Variants in CUL3 observed in about 807,000 individuals in gnomAD.
The protein encoded by CUL3 is cullin 3, also known as cullin-3.
In CUL3, 19 loss-of-function variants were observed where a neutral mutation model predicts 89.1. The observed-to-expected ratio is 0.21, with a 90% CI of 0.15 to 0.31. The LOEUF (loss-of-function observed/expected upper bound fraction) is 0.31, where lower values mean the gene tolerates loss of function less well. Ranked by LOEUF, CUL3 falls within the 10% of genes least tolerant of loss-of-function variation. CUL3 has a pLI of 1.00. For missense variants in CUL3, 469 were observed against 942.3 expected (o/e 0.50, Z 6.58); for synonymous variants, 351 against 308.4 (o/e 1.14, Z -1.45).
chr2:224,572,115 T>C (rs1273977685), intron 1 of CUL3, among the ~76,000 whole-genome samples: 1 of 152,166 alleles, frequency 6.6e-6, no homozygotes, highest in Non-Finnish European at 1.5e-5. Context: ...CGGCTACATG[T>C]TTGTTTCAGT....
Position 224,471,228 on chromosome 2 carries a change from C to T in CUL3, c.*3017G>A, listed in dbSNP as rs974566823. The T allele has an allele frequency of 1.9e-5, 4 of 210,060 alleles. No individual in the cohort carries two copies. Among genetic ancestry groups the T allele is most frequent in the Non-Finnish European group, 3.9e-5 (4 of 103,590 alleles). The allele number at this position is 210,060 out of a possible 1,614,324, so 13.0% of individuals were successfully genotyped here. The stretch of plus-strand genomic sequence containing the variant: ...AATTGATATGCAACAGCTTTCCTTC[C>T]AAGATTGACACAATATACCATATAC... On this transcript the variant is annotated 3_prime_UTR_variant, in exon 16 of 16. Transcript: ENST00000264414.
intron 2 of CUL3, among the ~76,000 whole-genome samples, chr2:224,544,705 A>G (rs532555034): frequency 6.6e-6 from 1 of 150,636 alleles, no homozygotes; most frequent in South Asian, 2.1e-4. Context: ...TTTCCACCTT[A>G]TCATACCACA....
intron 2 of CUL3, among the ~76,000 whole-genome samples, chr2:224,549,498 T>C (rs1045186486): frequency 2.0e-5 from 3 of 152,214 alleles, no homozygotes; most frequent in African/African-American, 7.2e-5. Context: ...ACTCATTTTA[T>C]AGATTAATAC....
chr2:224,523,988 G>A (rs948068281), intron 3 of CUL3, among the ~76,000 whole-genome samples: 1 of 152,064 alleles, frequency 6.6e-6, no homozygotes, highest in Non-Finnish European at 1.5e-5. Flanking sequence ...AGAGGATGGT[G>A]GTGACAGCTC....
chr2:224,489,796 C>T lies in CUL3; in HGVS notation c.1842+6036G>A, dbSNP rs531634677. ...ATACCATTCAGGACATAGGCATGGG[C>T]AAAGACTTCATGACTAAAACACCAA... On this transcript the variant is annotated intron_variant, in intron 13 of 15. Coordinates refer to ENST00000264414, the MANE Select transcript of CUL3 (RefSeq NM_003590.5). Among the ~76,000 whole-genome samples, 79 of 152,224 alleles carry T rather than the reference C, an allele frequency of 5.2e-4. 1 individual carries two copies. In the South Asian group the frequency reaches 0.016, roughly 30 times the overall value.
intron 2 of CUL3, among the ~76,000 whole-genome samples, chr2:224,557,052 G>C (rs560830354): frequency 6.6e-6 from 1 of 151,558 alleles, no homozygotes; most frequent in Non-Finnish European, 1.5e-5. Flanking sequence ...CTTAAAGCAA[G>C]GCATTGTAAT....
chr2:224,538,914 C>T (rs1255773480), intron 2 of CUL3, among the ~76,000 whole-genome samples: 1 of 152,124 alleles, frequency 6.6e-6, no homozygotes, highest in Non-Finnish European at 1.5e-5. Context: ...TGTCCGTGGT[C>T]TCAGCTACTC....
intron 11 of CUL3, 100 bp downstream of exon 11, chr2:224,500,263 G>A: frequency 7.4e-7 from 1 of 1,356,710 alleles, no homozygotes; most frequent in African/African-American, 1.4e-5. Context: ...GTAATAAATG[G>A]AATACATTCA....
chr2:224,581,763 C>T (rs774901063), intron 1 of CUL3, among the ~76,000 whole-genome samples: 2 of 151,730 alleles, frequency 1.3e-5, no homozygotes, highest in African/African-American at 2.4e-5. Flanking sequence ...GCCTGCCTTG[C>T]CTCTCCCGAA....
At chr2:224,513,455 A>G in intron 5 of CUL3, 69 bp downstream of exon 5, 1 of 1,091,352 alleles carries the variant, frequency 9.2e-7, no homozygotes, top group Non-Finnish European at 1.3e-6. Context: ...AAATAGTTAA[A>G]TTAGTAACTA....
At chr2:224,492,351 C>T (rs1692015741) in intron 13 of CUL3, among the ~76,000 whole-genome samples, 1 of 151,990 alleles carries the variant, frequency 6.6e-6, no homozygotes, top group Non-Finnish European at 1.5e-5. Flanking sequence ...AAGTTATGTC[C>T]CTAATGATTG....
At chr2:224,572,700 G>A (rs1171142618) in intron 1 of CUL3, among the ~76,000 whole-genome samples, 2 of 151,010 alleles carry the variant, frequency 1.3e-5, no homozygotes, top group African/African-American at 4.9e-5. Flanking sequence ...GAACCCTTGT[G>A]AATGGGATTA....
intron 1 of CUL3, among the ~76,000 whole-genome samples, chr2:224,572,867 G>C (rs12467925): frequency 1.3e-5 from 2 of 152,272 alleles, no homozygotes; most frequent in South Asian, 4.1e-4. Flanking sequence ...CCAGACAGCA[G>C]AACCTGCAGC....
chr2:224,565,375 C>CT (rs759818374), intron 1 of CUL3, among the ~76,000 whole-genome samples: 1 of 152,070 alleles, frequency 6.6e-6, no homozygotes, highest in Non-Finnish European at 1.5e-5. Flanking sequence ...TAGTTGGTGT[C>CT]TTAGGGGTGG....
At chr2:224,568,636 C>A (rs1406570800) in intron 1 of CUL3, among the ~76,000 whole-genome samples, 1 of 152,106 alleles carries the variant, frequency 6.6e-6, no homozygotes, top group Admixed American at 6.5e-5. Context: ...TTACATCAAG[C>A]AATATTTTCA....
intron 11 of CUL3, among the ~76,000 whole-genome samples, chr2:224,498,566 A>G (rs1692258524): frequency 6.6e-6 from 1 of 152,232 alleles, no homozygotes; most frequent in Admixed American, 6.5e-5. Flanking sequence ...ACTCGAGACT[A>G]TAGGCAGTGC....
chr2:224,530,220 C>A (rs552478435), intron 3 of CUL3, among the ~76,000 whole-genome samples: 1 of 152,268 alleles, frequency 6.6e-6, no homozygotes, highest in South Asian at 2.1e-4. Flanking sequence ...GCCTGGGCAA[C>A]AGAGTGAGAC....
chr2:224,584,859 G>C (rs1695541491), intron 1 of CUL3, 85 bp downstream of exon 1: 3 of 1,077,228 alleles, frequency 2.8e-6, no homozygotes, highest in Non-Finnish European at 3.8e-6. Flanking sequence ...CCTGCGGCCT[G>C]TTGGGGGACT....
chr2:224,509,220 C>CT (rs200289858), intron 6 of CUL3, among the ~76,000 whole-genome samples: 1,850 of 151,986 alleles, frequency 0.012, 14 homozygotes, highest in Middle Eastern at 0.024. Flanking sequence ...ACCCCCCCAC[C>CT]TTTTTTTTCT....
Sources: gnomAD v4.1 joint callset for allele counts (sites outside exome capture counted in the v4.1 genomes callset) on GRCh38, gnomAD v4.1.1 for gene constraint, MANE v1.5 for transcripts, NCBI Gene and HGNC (gene_info 2026-07-23, HGNC 2026-07-21) for gene names.